Variants in PRKCA observed in about 807,000 individuals in gnomAD.
PRKCA encodes protein kinase C alpha type.
In PRKCA, 27 loss-of-function variants were observed where a neutral mutation model predicts 87.0. That is an observed-to-expected ratio of 0.31 (90% CI 0.23 to 0.43). The LOEUF (loss-of-function observed/expected upper bound fraction) is 0.43, where lower values mean the gene tolerates loss of function less well. PRKCA is among the 20% of genes least tolerant of loss of function. The pLI is 1.00. For synonymous variants in PRKCA, 329 were observed against 311.1 expected, an observed-to-expected ratio of 1.06 and a Z score of -0.61; for missense variants, 518 against 852.3, an observed-to-expected ratio of 0.61 and a Z score of 4.88.
chr17:66,768,263 G>GA lies in PRKCA; in HGVS notation c.1525-5724_1525-5723insA, dbSNP rs34586120. 3.4e-5 allele frequency among the ~76,000 whole-genome samples: 5 copies of GA among 148,710 alleles called. No individual in the cohort carries two copies. In the South Asian group the frequency reaches 6.4e-4, roughly 19 times the overall value. On this transcript the variant is annotated intron_variant, in intron 13 of 16. Coordinates refer to ENST00000413366, the MANE Select transcript of PRKCA (RefSeq NM_002737.3). ...CCAGCCATTTTTTTTTTTTTTTTTG[G>GA]GGGGGAGAGATTAGGGTCTTGCTAT...
At chr17:66,340,555 T>C (rs1051641428) in intron 2 of PRKCA, among the ~76,000 whole-genome samples, 1 of 152,124 alleles carries the variant, frequency 6.6e-6, no homozygotes, top group Non-Finnish European at 1.5e-5. Context: ...GGCGTAAGTG[T>C]GATCATGGCT....
Position 66,611,045 on chromosome 17 carries a change from A to G in PRKCA, c.289-30310A>G, listed in dbSNP as rs1396705811. On this transcript the variant is annotated intron_variant, in intron 3 of 16. Transcript: ENST00000413366. ...GAACTGGGGTCAAAGACCAAATATT[A>G]GAACAAAAAAGTCTCCTAACATCCC... 1.3e-5 allele frequency among the ~76,000 whole-genome samples: 2 copies of G among 152,224 alleles called. 1 individual carries two copies. Among genetic ancestry groups the G allele is most frequent in the Non-Finnish European group, 2.9e-5 (2 of 68,042 alleles).
At chr17:66,317,190 A>G (rs1206277340) in intron 2 of PRKCA, among the ~76,000 whole-genome samples, 2 of 152,016 alleles carry the variant, frequency 1.3e-5, no homozygotes, top group African/African-American at 4.8e-5. Context: ...GAAACTGTCA[A>G]CTGATGTATT....
intron 3 of PRKCA, among the ~76,000 whole-genome samples, chr17:66,527,639 G>A (rs1967391674): frequency 6.6e-6 from 1 of 152,198 alleles, no homozygotes; most frequent in Non-Finnish European, 1.5e-5. Flanking sequence ...GTATTGTGAT[G>A]GAAGTAATTG....
intron 13 of PRKCA, among the ~76,000 whole-genome samples, chr17:66,759,929 C>A (rs570111860): frequency 3.5e-4 from 53 of 152,252 alleles, no homozygotes; most frequent in Admixed American, 1.1e-3. Flanking sequence ...ATACATACGG[C>A]CAAACATGAT....
chr17:66,736,303 A>C (rs912555841), intron 10 of PRKCA, among the ~76,000 whole-genome samples: 1 of 148,764 alleles, frequency 6.7e-6, no homozygotes, highest in African/African-American at 2.5e-5. Context: ...TTTGAGACGG[A>C]GTCACTCTCT....
intron 14 of PRKCA, chr17:66,774,550 G>A: frequency 2.4e-6 from 2 of 838,498 alleles, no homozygotes; most frequent in Non-Finnish European, 2.9e-6. Flanking sequence ...AAGCCTGAGA[G>A]GCGGAGGCTG....
chr17:66,798,475 G>A (rs1053741752), intron 16 of PRKCA, among the ~76,000 whole-genome samples: 1 of 122,046 alleles, frequency 8.2e-6, no homozygotes, highest in Non-Finnish European at 1.7e-5. Flanking sequence ...TGGTGGTGGT[G>A]GTGGTGGTGG....
intron 3 of PRKCA, among the ~76,000 whole-genome samples, chr17:66,629,809 G>A (rs774875203): frequency 2.0e-5 from 3 of 152,106 alleles, no homozygotes; most frequent in Non-Finnish European, 4.4e-5. Flanking sequence ...GGGAAGTTCC[G>A]TATCATGAAT....
chr17:66,406,305 C>G (rs1303058348), intron 2 of PRKCA, among the ~76,000 whole-genome samples: 1 of 152,162 alleles, frequency 6.6e-6, no homozygotes, highest in Non-Finnish European at 1.5e-5. Flanking sequence ...AGTTGCTTTA[C>G]TATGAAGACT....
In PRKCA at chr17:66,420,885, C is replaced by T. The variant is rs1359435468; in HGVS notation, c.206-75316C>T. Among the ~76,000 whole-genome samples, 4 of 152,278 alleles carry T rather than the reference C, an allele frequency of 2.6e-5. No homozygotes were observed. The East Asian group carries it at 7.7e-4, about 29-fold the overall frequency. On this transcript the variant is annotated intron_variant, in intron 2 of 16. Transcript: ENST00000413366. Reference sequence around the variant, plus strand: ...ATGTCGTTGTCCCCTGCATTCCCCTCCTTTGTGGAATTTCAAAACCCCCTT... The same window carrying T: ...ATGTCGTTGTCCCCTGCATTCCCCTTCTTTGTGGAATTTCAAAACCCCCTT...
intron 8 of PRKCA, among the ~76,000 whole-genome samples, chr17:66,706,616 C>T (rs1056705418): frequency 2.1e-5 from 3 of 145,470 alleles, no homozygotes; most frequent in Admixed American, 6.9e-5. Flanking sequence ...CCAGCCTGGG[C>T]GACAGAGTAA....
intron 2 of PRKCA, among the ~76,000 whole-genome samples, chr17:66,405,860 G>A (rs1425032390): frequency 6.6e-6 from 1 of 152,106 alleles, no homozygotes; most frequent in Non-Finnish European, 1.5e-5. Flanking sequence ...AATATGCTTT[G>A]CTGGACTCTG....
chr17:66,765,430 A>ATCTATATATCTATATCTATC, intron 13 of PRKCA, among the ~76,000 whole-genome samples: 1 of 130,858 alleles, frequency 7.6e-6, no homozygotes, highest in Non-Finnish European at 1.6e-5. Flanking sequence ...ATATATATAT[A>ATCTATATATCTATATCTATC]TATATATATA....
intron 2 of PRKCA, among the ~76,000 whole-genome samples, chr17:66,323,905 C>T (rs1307535080): frequency 6.6e-6 from 1 of 152,070 alleles, no homozygotes; most frequent in Non-Finnish European, 1.5e-5. Context: ...CACACCACTG[C>T]ACTCCAGCCT....
chr17:66,536,428 G>A (rs978834049), intron 3 of PRKCA, among the ~76,000 whole-genome samples: 1 of 152,240 alleles, frequency 6.6e-6, no homozygotes, highest in Admixed American at 6.5e-5. Context: ...AAAGGCTTTA[G>A]TGAGGTTACA....
intron 8 of PRKCA, among the ~76,000 whole-genome samples, chr17:66,692,642 G>A (rs915534785): frequency 1.3e-5 from 2 of 152,090 alleles, no homozygotes; most frequent in Admixed American, 6.5e-5. Context: ...CCCCCACCCC[G>A]TTTCCTCCTT....
chr17:66,780,374 T>C (rs1444644645), intron 14 of PRKCA, among the ~76,000 whole-genome samples: 1 of 146,268 alleles, frequency 6.8e-6, no homozygotes, highest in Non-Finnish European at 1.5e-5. Context: ...TTATGCATCA[T>C]AATTTGAAAA....
intron 10 of PRKCA, 148 bp downstream of exon 10, chr17:66,735,810 C>T: frequency 1.2e-6 from 1 of 812,268 alleles, no homozygotes; most frequent in East Asian, 2.7e-5. Flanking sequence ...GACCACCTCC[C>T]ACCTCTCTCA....
Sources: allele counts gnomAD v4.1 joint callset (sites outside exome capture counted in the v4.1 genomes callset), GRCh38; gene constraint gnomAD v4.1.1; transcripts MANE v1.5; gene names NCBI Gene and HGNC (gene_info 2026-07-23, HGNC 2026-07-21).